Variants in GTF2IRD1 observed in about 807,000 individuals in gnomAD.
GTF2IRD1 encodes general transcription factor II-I repeat domain-containing protein 1.
In GTF2IRD1, 26 loss-of-function variants were observed where a neutral mutation model predicts 113.2. That is an observed-to-expected ratio of 0.23 (90% CI 0.17 to 0.32). The LOEUF (loss-of-function observed/expected upper bound fraction) is 0.32, where lower values mean the gene tolerates loss of function less well. Ranked by LOEUF, GTF2IRD1 falls within the 10% of genes least tolerant of loss-of-function variation. GTF2IRD1 has a pLI of 1.00. For synonymous variants in GTF2IRD1, 484 were observed against 529.1 expected (o/e 0.91, Z 1.17); for missense variants, 864 against 1,280.8 (o/e 0.67, Z 4.97).
At chr7:74,474,254 G>T (rs576270126) in intron 1 of GTF2IRD1, among the ~76,000 whole-genome samples, 1 of 152,010 alleles carries the variant, frequency 6.6e-6, no homozygotes, top group African/African-American at 2.4e-5. Context: ...AAAAGAAAAC[G>T]ATATTTTCTT....
At chr7:74,591,082 G>A (rs2131010508) in intron 24 of GTF2IRD1, 65 bp downstream of exon 24, 1 of 1,115,226 alleles carries the variant, frequency 9.0e-7, no homozygotes, top group East Asian at 2.4e-5. Flanking sequence ...TGAAAGTCAA[G>A]GTCACGGTGG....
At chr7:74,594,530 C>T (rs1425855519) in intron 24 of GTF2IRD1, among the ~76,000 whole-genome samples, 1 of 152,172 alleles carries the variant, frequency 6.6e-6, no homozygotes, top group Non-Finnish European at 1.5e-5. Context: ...GCCCATCATC[C>T]AGGGCCTATA....
intron 1 of GTF2IRD1, among the ~76,000 whole-genome samples, chr7:74,496,988 C>T (rs1795772054): frequency 6.6e-6 from 1 of 151,680 alleles, no homozygotes; most frequent in African/African-American, 2.4e-5. Context: ...ATAGCAAGAC[C>T]CCATCTCTAC....
At chr7:74,545,613 CA>C in intron 15 of GTF2IRD1, 130 bp from the exon 16 acceptor site, 1 of 689,798 alleles carries the variant, frequency 1.4e-6, no homozygotes, top group Non-Finnish European at 2.7e-6. Flanking sequence ...ATAAGTTACC[CA>C]CCGCCCCAGC....
chr7:74,597,082 G>A (rs1353636868), intron 25 of GTF2IRD1, among the ~76,000 whole-genome samples: 16 of 151,062 alleles, frequency 1.1e-4, no homozygotes, highest in East Asian at 5.9e-4. Context: ...TCACTCTGTC[G>A]CCCAGGCTGG....
chr7:74,539,695 G>C (rs1230816797), intron 13 of GTF2IRD1, among the ~76,000 whole-genome samples, 184 bp from the exon 14 acceptor site: 11 of 151,502 alleles, frequency 7.3e-5, no homozygotes, highest in African/African-American at 2.7e-4. Context: ...AGTGAGCCAA[G>C]ATGGCGCCAC....
In GTF2IRD1 at chr7:74,518,194, G is replaced by A. The variant is rs781863057; in HGVS notation, c.477G>A (p.Arg159=). 6.2e-7 allele frequency: 1 copy of A among 1,610,518 alleles called. No individual in the cohort carries two copies. Among genetic ancestry groups the A allele is most frequent in the South Asian group, 1.1e-5 (1 of 90,846 alleles). Residue 159 remains arginine, a synonymous_variant, in exon 5 of 27, where the codon AGG becomes AGA. Coordinates refer to ENST00000424337, the MANE Select transcript of GTF2IRD1 (RefSeq NM_005685.4). ...VVPLPYERLL[R]EPGLLAVQGL... is the part of the protein sequence containing the mutation. ...CACTGCCCTATGAGAGGCTGCTCAG[G>A]GAGCCAGGGCTGCTGGCCGTGCAGG...
intron 25 of GTF2IRD1, among the ~76,000 whole-genome samples, chr7:74,597,359 T>G (rs1385188272): frequency 1.4e-5 from 2 of 141,476 alleles, no homozygotes. Context: ...TTTTTTTTTT[T>G]CTTTCAAGAC....
chr7:74,579,916 G>T (rs1332966032), intron 22 of GTF2IRD1, among the ~76,000 whole-genome samples: 4 of 152,128 alleles, frequency 2.6e-5, no homozygotes, highest in African/African-American at 9.7e-5. Flanking sequence ...ATCAAAATGG[G>T]TCAAGCCTTA....
At chr7:74,547,357 A>C in intron 17 of GTF2IRD1, 71 bp downstream of exon 17, 1 of 1,248,794 alleles carries the variant, frequency 8.0e-7, no homozygotes, top group East Asian at 2.5e-5. Context: ...AGCAGCACCA[A>C]ATTGCCATCA....
intron 25 of GTF2IRD1, among the ~76,000 whole-genome samples, chr7:74,600,293 C>G (rs782709517): frequency 6.6e-6 from 1 of 151,946 alleles, no homozygotes; most frequent in East Asian, 1.9e-4. Flanking sequence ...GTGGCGCGCA[C>G]GTATAGTCCC....
intron 22 of GTF2IRD1, among the ~76,000 whole-genome samples, chr7:74,569,507 C>T (rs1800557623): frequency 1.3e-5 from 2 of 152,142 alleles, no homozygotes; most frequent in Admixed American, 6.6e-5. Flanking sequence ...AAAATGCTGC[C>T]GGAATGGTAA....
At chr7:74,494,732 A>G (rs1169938684) in intron 1 of GTF2IRD1, among the ~76,000 whole-genome samples, 2 of 152,138 alleles carry the variant, frequency 1.3e-5, no homozygotes, top group Non-Finnish European at 2.9e-5. Flanking sequence ...TATTTAAAAA[A>G]AACAAAAAAC....
intron 17 of GTF2IRD1, among the ~76,000 whole-genome samples, chr7:74,552,242 G>T (rs1799352127): frequency 6.6e-6 from 1 of 152,150 alleles, no homozygotes; most frequent in Non-Finnish European, 1.5e-5. Context: ...AATAGGCCAG[G>T]AGAGGTGGCT....
At chr7:74,587,708 C>T (rs1353651654) in intron 22 of GTF2IRD1, among the ~76,000 whole-genome samples, 1 of 152,134 alleles carries the variant, frequency 6.6e-6, no homozygotes, top group Non-Finnish European at 1.5e-5. Flanking sequence ...CCACAGGCTG[C>T]TGCAGAGCTC....
At chr7:74,566,460 A>G (rs1800324883) in intron 22 of GTF2IRD1, among the ~76,000 whole-genome samples, 1 of 152,322 alleles carries the variant, frequency 6.6e-6, no homozygotes, top group East Asian at 1.9e-4. Flanking sequence ...TTCCTGCCTC[A>G]GCCTCCCAAG....
Position 74,555,847 on chromosome 7 carries a change from G to T in GTF2IRD1, c.2023+353G>T, listed in dbSNP as rs587683536. Reference sequence around the variant, plus strand: ...ATAGGAGCCAGACGCGGCACCTCACGCCTGTAATCTCAGCACTTGGGAAGG... The same window carrying T: ...ATAGGAGCCAGACGCGGCACCTCACTCCTGTAATCTCAGCACTTGGGAAGG... On this transcript the variant is annotated intron_variant, in intron 19 of 26. Coordinates refer to ENST00000424337, the MANE Select transcript of GTF2IRD1 (RefSeq NM_005685.4). The surrounding 1 kb of genome is among the most constrained non-coding windows in gnomAD (Gnocchi z 5.3). Among the ~76,000 whole-genome samples the T allele has an allele frequency of 2.0e-5, 3 of 152,218 alleles. No individual in the cohort carries two copies. Among genetic ancestry groups the T allele is most frequent in the Non-Finnish European group, 4.4e-5 (3 of 68,016 alleles).
intron 24 of GTF2IRD1, among the ~76,000 whole-genome samples, chr7:74,594,196 C>A (rs1177946869): frequency 6.7e-6 from 1 of 148,536 alleles, no homozygotes; most frequent in African/African-American, 2.5e-5. Flanking sequence ...AAGACTCCGT[C>A]TCAAAAAAAA....
In GTF2IRD1 at chr7:74,595,068, G is replaced by C. The variant is rs781808590; in HGVS notation, c.2629+17G>C. ...AGGTGCCAGGTGAGTCAGAGGTGAA[G>C]AAGCCACCCTTCTGCTCCGTGGGGA... On this transcript the variant is annotated intron_variant, in intron 25 of 26. Coordinates refer to ENST00000424337, the MANE Select transcript of GTF2IRD1 (RefSeq NM_005685.4). 6.3e-7 allele frequency: 1 copy of C among 1,584,530 alleles called. No homozygotes were observed. Among genetic ancestry groups the C allele is most frequent in the Admixed American group, 1.7e-5 (1 of 59,708 alleles).
Sources: gnomAD v4.1 joint callset for allele counts (sites outside exome capture counted in the v4.1 genomes callset) on GRCh38, gnomAD v4.1.1 for gene constraint, Gnocchi (gnomAD v3.1) non-coding constraint, MANE v1.5 for transcripts, NCBI Gene and HGNC (gene_info 2026-07-23, HGNC 2026-07-21) for gene names.